The following LAD1 variants were observed in gnomAD, a reference collection of about 807,000 sequenced individuals.
LAD1 encodes the protein ladinin 1.
In LAD1, 53 loss-of-function variants were observed where a neutral mutation model predicts 54.2. The observed-to-expected ratio is 0.98, with a 90% confidence interval of 0.78 to 1.23. The LOEUF is 1.23. Ranked by LOEUF, LAD1 falls within the 50% of genes most tolerant of loss-of-function variation. The pLI is 0.00. For synonymous variants in LAD1, 231 were observed against 257.7 expected, an observed-to-expected ratio of 0.90 and a Z score of 0.99; for missense variants, 637 against 653.3, an observed-to-expected ratio of 0.98 and a Z score of 0.27.
rs535432771 is a variant in LAD1 at position 201,383,443 on chromosome 1, G to A, written c.1176-54C>T. On this transcript the variant is annotated intron_variant, in intron 5 of 9. Transcript: ENST00000391967. ...CCAAGTGAGACACCCAGGGAGACCA[G>A]GCCTGCCCCCAGGGCCTGAGGAGCA... 19 of 1,550,874 alleles carry A rather than the reference G, an allele frequency of 1.2e-5. No homozygotes were observed. The South Asian group carries it at 2.0e-4, about 16-fold the overall frequency.
In LAD1 at chr1:201,382,152, C is replaced by T. The variant is rs573149375; in HGVS notation, c.1548+100G>A. 293 of 1,057,228 alleles carry T rather than the reference C, an allele frequency of 2.8e-4. 1 individual carries two copies. The African/African-American group carries it at 3.9e-3, about 14-fold the overall frequency. The allele number at this position is 1,057,228 out of a possible 1,614,324, so 65.5% of individuals were successfully genotyped here. A position where few individuals can be genotyped will look rare whatever the true frequency, so the allele number is the denominator to read the frequency against. ...ATGGGGGCGTTCTGGGTGGACTGCG[C>T]GATTGCAGGCCAATTAGTGTGTGCA... is the stretch of plus-strand genomic sequence containing the variant. On this transcript the variant is annotated intron_variant, in intron 9 of 9. Transcript: ENST00000391967.
intron 1 of LAD1, among the ~76,000 whole-genome samples, chr1:201,398,194 G>A (rs187222821): frequency 6.6e-6 from 1 of 152,138 alleles, no homozygotes; most frequent in Non-Finnish European, 1.5e-5. Flanking sequence ...GGGCAGGAGC[G>A]GGGTAGAGGA....
rs529307139 is a variant in LAD1 at position 201,385,160 on chromosome 1, C to T, written c.1132-325G>A. 1.2e-3 allele frequency among the ~76,000 whole-genome samples: 178 copies of T among 152,292 alleles called. 1 individual carries two copies. The highest frequency in any genetic ancestry group is 3.1e-3 in the South Asian group (15 of 4,824). On this transcript the variant is annotated intron_variant, in intron 4 of 9. Coordinates refer to ENST00000391967, the MANE Select transcript of LAD1 (RefSeq NM_005558.4). Reference sequence around the variant, plus strand: ...TGTGGGGGCACCAGTCGCTATTGGGCCACCTCTCCAGGGCCTGGCACACAT... The same window carrying T: ...TGTGGGGGCACCAGTCGCTATTGGGTCACCTCTCCAGGGCCTGGCACACAT...
chr1:201,383,024 G>A (rs373395920), intron 7 of LAD1, 50 bp downstream of exon 7: 36 of 1,556,170 alleles, frequency 2.3e-5, no homozygotes, highest in Non-Finnish European at 2.9e-5. Context: ...GGGTTTTGGA[G>A]ACGTCAGGGC....
intron 1 of LAD1, among the ~76,000 whole-genome samples, chr1:201,395,077 C>T (rs1662265688): frequency 6.6e-6 from 1 of 152,170 alleles, no homozygotes; most frequent in Non-Finnish European, 1.5e-5. Context: ...TATACTAAGA[C>T]CCCATAGCTC....
chr1:201,394,559 G>A lies in LAD1; in HGVS notation c.38+4710C>T, dbSNP rs112451760. Among the ~76,000 whole-genome samples, 1,500 of 152,320 alleles carry A rather than the reference G, an allele frequency of 9.8e-3. 35 individuals carry two copies. Among genetic ancestry groups the A allele is most frequent in the African/African-American group, 0.034 (1,431 of 41,558 alleles). On this transcript the variant is annotated intron_variant, in intron 1 of 9. Transcript: ENST00000391967. ...TCTGCATGACTGCTGTGAGCTCTGGGTATTTGTAGATTGAACATTCATCAT... is the reference window on the plus strand; with the variant it reads ...TCTGCATGACTGCTGTGAGCTCTGGATATTTGTAGATTGAACATTCATCAT...
chr1:201,390,945 C>T (rs545295405), intron 1 of LAD1: 2 of 363,010 alleles, frequency 5.5e-6, no homozygotes, highest in South Asian at 2.1e-5. Context: ...TTGCCAAGTG[C>T]CTTTCTCTTT....
intron 1 of LAD1, among the ~76,000 whole-genome samples, chr1:201,397,561 A>C (rs1437642777): frequency 1.3e-5 from 2 of 150,440 alleles, no homozygotes; most frequent in Non-Finnish European, 3.0e-5. Context: ...ACACACACAC[A>C]CCCCCCCATG....
At chr1:201,394,236 G>A (rs924736781) in intron 1 of LAD1, among the ~76,000 whole-genome samples, 1 of 152,144 alleles carries the variant, frequency 6.6e-6, no homozygotes, top group Non-Finnish European at 1.5e-5. Flanking sequence ...CTTCTGCCTC[G>A]ATGCCGAGGC....
chr1:201,381,748 G>T lies in LAD1; in HGVS notation c.*140C>A. 1.0e-6 allele frequency: 1 copy of T among 953,486 alleles called. No homozygotes were observed. Among genetic ancestry groups the T allele is most frequent in the South Asian group, 1.3e-5 (1 of 75,666 alleles). The allele number at this position is 953,486 out of a possible 1,614,324, so 59.1% of individuals were successfully genotyped here. A position where few individuals can be genotyped will look rare whatever the true frequency, so the allele number is the denominator to read the frequency against. ...AGTCTTGCAAATATTCCTGACCCCA[G>T]GGACCCTGGCCAAACAGATCCACAG... On this transcript the variant is annotated 3_prime_UTR_variant, in exon 10 of 10. Transcript: ENST00000391967.
chr1:201,395,306 C>T (rs3923236), intron 1 of LAD1, among the ~76,000 whole-genome samples: 9,896 of 152,224 alleles, frequency 0.065, 385 homozygotes, highest in African/African-American at 0.11. Flanking sequence ...CTGTTGAAAC[C>T]CCAGTAATAA....
Position 201,386,407 on chromosome 1 carries a change from C to T in LAD1, c.954G>A (p.Leu318=). 1 of 1,525,372 alleles carries T rather than the reference C, an allele frequency of 6.6e-7. No homozygotes were observed. Among genetic ancestry groups the T allele is most frequent in the South Asian group, 1.3e-5 (1 of 74,600 alleles). The allele number at this position is 1,525,372 out of a possible 1,614,324, so 94.5% of individuals were successfully genotyped here. A position where few individuals can be genotyped will look rare whatever the true frequency, so the allele number is the denominator to read the frequency against. Residue 318 remains leucine (L), a synonymous_variant, in exon 3 of 10, where the codon CTG becomes CTA. Coordinates refer to ENST00000391967, the MANE Select transcript of LAD1 (RefSeq NM_005558.4). ...QRGRALPGKN[L]PSLAKQGASD... Reference sequence around the variant, plus strand: ...AAGCCCCCTGCTTTGCCAAAGAGGGCAGGTTCTTCCCAGGGAGGGCCCTTC... The same window carrying T: ...AAGCCCCCTGCTTTGCCAAAGAGGGTAGGTTCTTCCCAGGGAGGGCCCTTC...
At chr1:201,384,234 T>A (rs1451455133) in intron 5 of LAD1, among the ~76,000 whole-genome samples, 1 of 152,084 alleles carries the variant, frequency 6.6e-6, no homozygotes, top group Non-Finnish European at 1.5e-5. Flanking sequence ...TAGCCTAGTG[T>A]AGTAGGCTCC....
chr1:201,381,923 C>T (rs745363523), intron 9 of LAD1, 30 bp from the exon 10 acceptor site: 1 of 1,611,496 alleles, frequency 6.2e-7, no homozygotes, highest in African/African-American at 1.3e-5. Context: ...TAGCACAAGT[C>T]AATGGGGTGT....
At chr1:201,394,326 C>A (rs994677519) in intron 1 of LAD1, among the ~76,000 whole-genome samples, 1 of 152,202 alleles carries the variant, frequency 6.6e-6, no homozygotes, top group Non-Finnish European at 1.5e-5. Flanking sequence ...GAGTGCCTGC[C>A]CATCACCCCA....
rs1661960412 is a variant in LAD1, at chr1:201,381,598, C to G, written c.*290G>C. 1.1e-5 allele frequency: 6 copies of G among 526,104 alleles called. No homozygotes were observed. Among genetic ancestry groups the G allele is most frequent in the Middle Eastern group, 9.6e-4 (2 of 2,078 alleles). The allele number at this position is 526,104 out of a possible 1,614,324, so 32.6% of individuals were successfully genotyped here. The stretch of plus-strand genomic sequence containing the variant: ...CAGAGGTCTCTGGGCAGGACATAGG[C>G]CCCATAGTGCTGATGTGCACTTGTG... On this transcript the variant is annotated 3_prime_UTR_variant, in exon 10 of 10. Coordinates refer to ENST00000391967, the MANE Select transcript of LAD1 (RefSeq NM_005558.4).
At chr1:201,394,877 C>G (rs1662262084) in intron 1 of LAD1, among the ~76,000 whole-genome samples, 1 of 152,220 alleles carries the variant, frequency 6.6e-6, no homozygotes, top group Non-Finnish European at 1.5e-5. Flanking sequence ...GCTGGAGCCT[C>G]CAGGGTTCCT....
chr1:201,382,446 C>T lies in LAD1; in HGVS notation c.1474-120G>A, dbSNP rs541832168. The T allele has an allele frequency of 2.8e-5, 24 of 846,428 alleles. 1 individual carries two copies. In the South Asian group the frequency reaches 3.4e-4, roughly 12 times the overall value. The allele number at this position is 846,428 out of a possible 1,614,324, so 52.4% of individuals were successfully genotyped here. A position where few individuals can be genotyped will look rare whatever the true frequency, so the allele number is the denominator to read the frequency against. ...TTCTCTTCCCAAAAGAGAAAAGGAA[C>T]CCAGACCCACCCCTCCTCTCTGCCA... On this transcript the variant is annotated intron_variant, in intron 8 of 9. Transcript: ENST00000391967.
At chr1:201,392,571 T>C (rs910484274) in intron 1 of LAD1, among the ~76,000 whole-genome samples, 2 of 152,108 alleles carry the variant, frequency 1.3e-5, no homozygotes, top group African/African-American at 4.8e-5. Context: ...GTGCAGAGCC[T>C]GCATGTGAGG....
Sources: allele counts gnomAD v4.1 joint callset (sites outside exome capture counted in the v4.1 genomes callset), GRCh38; gene constraint gnomAD v4.1.1; transcripts MANE v1.5; gene names NCBI Gene and HGNC (gene_info 2026-07-23, HGNC 2026-07-21).